The following METTL15 variants were observed in gnomAD, a reference collection of about 807,000 sequenced individuals.
The protein encoded by METTL15 is methyltransferase 15, mitochondrial 12S rRNA N4-cytidine.
Under a neutral mutation model 38.3 loss-of-function variants are expected in METTL15, and 34 were observed. The observed-to-expected ratio is 0.89, with a 90% confidence interval of 0.68 to 1.18. METTL15 has a LOEUF of 1.18. METTL15 is among the 50% of genes most tolerant of loss of function. The pLI, the probability that METTL15 is intolerant of heterozygous loss-of-function variation, is 0.00. For synonymous variants in METTL15, 162 were observed against 170.9 expected (o/e 0.95, Z 0.41); for missense variants, 438 against 498.4 (o/e 0.88, Z 1.15).
rs113937212 is a variant in METTL15 at position 28,169,718 on chromosome 11, A to C, written c.271-41344A>C. Among the ~76,000 whole-genome samples the C allele has an allele frequency of 6.5e-4, 99 of 152,266 alleles. 1 individual carries two copies. Among genetic ancestry groups the C allele is most frequent in the African/African-American group, 2.3e-3 (95 of 41,558 alleles). The stretch of plus-strand genomic sequence containing the variant: ...TATTTAGATAACTACGTTAATCATA[A>C]ATCTATGGCTATGTGAATAATATAA... On this transcript the variant is annotated intron_variant, in intron 3 of 6. Coordinates refer to ENST00000407364, the MANE Select transcript of METTL15 (RefSeq NM_001113528.2).
At chr11:28,377,473 G>T (rs1350437361) in intron 5 of METTL15, among the ~76,000 whole-genome samples, 2 of 151,978 alleles carry the variant, frequency 1.3e-5, no homozygotes, top group Admixed American at 6.6e-5. Context: ...CTTCTGTGTT[G>T]TTCACGTAGT....
At position 28,401,361 on chromosome 11, in the gene METTL15, T is replaced by C. The variant is rs893576153; in HGVS notation, c.*359-22938T>C. On this transcript the variant is annotated intron_variant and NMD_transcript_variant, in intron 5 of 7. Transcript: ENST00000532947. Reference sequence around the variant, plus strand: ...AAGAAGTAATCTCTTAATCTGTTTTTTAGTAATTATTACTCAGAATTTGTT... The same window carrying C: ...AAGAAGTAATCTCTTAATCTGTTTTCTAGTAATTATTACTCAGAATTTGTT... Among the ~76,000 whole-genome samples, 79 of 151,968 alleles carry C rather than the reference T, an allele frequency of 5.2e-4. 1 individual carries two copies. Among genetic ancestry groups the C allele is most frequent in the African/African-American group, 1.8e-3 (73 of 41,414 alleles).
chr11:28,341,137 A>G (rs980683829), intron 3 of METTL15, among the ~76,000 whole-genome samples: 3 of 152,116 alleles, frequency 2.0e-5, no homozygotes, highest in Non-Finnish European at 4.4e-5. Context: ...ACATGGACAC[A>G]GGGAGGGGAA....
At chr11:28,270,585 A>G (rs1342330757) in intron 4 of METTL15, among the ~76,000 whole-genome samples, 1 of 152,220 alleles carries the variant, frequency 6.6e-6, no homozygotes, top group Non-Finnish European at 1.5e-5. Flanking sequence ...ACCCGTAACA[A>G]TAGACAGATT....
intron 6 of METTL15, among the ~76,000 whole-genome samples, chr11:28,426,512 TG>T (rs1467931453): frequency 2.0e-5 from 3 of 152,008 alleles, no homozygotes; most frequent in Non-Finnish European, 4.4e-5. Flanking sequence ...TCTTCCACAA[TG>T]GTTGAACTAG....
At chr11:28,346,482 T>C (rs1849997193) in intron 3 of METTL15, among the ~76,000 whole-genome samples, 1 of 152,214 alleles carries the variant, frequency 6.6e-6, no homozygotes, top group Admixed American at 6.5e-5. Context: ...AGAAGGAAGA[T>C]ACTCCAAACC....
At chr11:28,220,144 T>C (rs1221935456) in intron 4 of METTL15, among the ~76,000 whole-genome samples, 1 of 152,204 alleles carries the variant, frequency 6.6e-6, no homozygotes, top group Non-Finnish European at 1.5e-5. Flanking sequence ...TTGATCTGTC[T>C]AATGTTGACA....
chr11:28,266,364 G>T (rs888527954), intron 4 of METTL15, among the ~76,000 whole-genome samples: 1 of 152,106 alleles, frequency 6.6e-6, no homozygotes, highest in East Asian at 1.9e-4. Flanking sequence ...ATACACCATG[G>T]AATACTATGC....
chr11:28,124,928 A>T (rs998240409), intron 3 of METTL15, among the ~76,000 whole-genome samples: 12 of 152,126 alleles, frequency 7.9e-5, no homozygotes, highest in African/African-American at 2.7e-4. Context: ...AATACATATG[A>T]AACCAACATT....
chr11:28,393,954 G>A (rs1053379646), intron 5 of METTL15, among the ~76,000 whole-genome samples: 2 of 142,448 alleles, frequency 1.4e-5, no homozygotes, highest in African/African-American at 5.2e-5. Flanking sequence ...CCATACTCCT[G>A]ATTTTTAAAA....
chr11:28,281,146 C>T (rs1399093186), intron 4 of METTL15, among the ~76,000 whole-genome samples: 1 of 152,144 alleles, frequency 6.6e-6, no homozygotes, highest in Non-Finnish European at 1.5e-5. Flanking sequence ...TTGCTTTTGG[C>T]AGGCAATTCA....
intron 3 of METTL15, among the ~76,000 whole-genome samples, chr11:28,113,940 A>G (rs1851832538): frequency 6.6e-6 from 1 of 152,186 alleles, no homozygotes; most frequent in Non-Finnish European, 1.5e-5. Context: ...AGACTAAGCT[A>G]TGATGTTCGG....
intron 5 of METTL15, among the ~76,000 whole-genome samples, chr11:28,414,152 G>A (rs1046144799): frequency 3.3e-5 from 5 of 152,058 alleles, no homozygotes; most frequent in African/African-American, 4.8e-5. Flanking sequence ...AACCACAGTT[G>A]TATGCTGGAA....
chr11:28,500,090 T>G (rs2133489587), intron 6 of METTL15, among the ~76,000 whole-genome samples: 1 of 152,106 alleles, frequency 6.6e-6, no homozygotes. Context: ...GATGAAGTCC[T>G]GATGCCTTAG....
chr11:28,203,145 C>T (rs1393298044), intron 3 of METTL15, among the ~76,000 whole-genome samples: 1 of 151,936 alleles, frequency 6.6e-6, no homozygotes, highest in African/African-American at 2.4e-5. Flanking sequence ...ACAGTATGTA[C>T]AATAAAGGAA....
chr11:28,467,203 C>T (rs758061301), intron 6 of METTL15, among the ~76,000 whole-genome samples: 14 of 152,166 alleles, frequency 9.2e-5, no homozygotes, highest in Non-Finnish European at 1.9e-4. Context: ...TAGACTTCTC[C>T]CTCTGGTCAT....
At chr11:28,266,441 C>G (rs1402745955) in intron 4 of METTL15, among the ~76,000 whole-genome samples, 1 of 152,156 alleles carries the variant, frequency 6.6e-6, no homozygotes, top group South Asian at 2.1e-4. Context: ...CCGTCATTCT[C>G]AGCAAACTAT....
At chr11:28,162,692 C>T (rs527816067) in intron 3 of METTL15, among the ~76,000 whole-genome samples, 1 of 152,008 alleles carries the variant, frequency 6.6e-6, no homozygotes, top group South Asian at 2.1e-4. Context: ...CTTCTATTAG[C>T]CTATAGTTGG....
intron 6 of METTL15, among the ~76,000 whole-genome samples, chr11:28,311,214 C>G (rs902760076): frequency 3.9e-5 from 6 of 151,976 alleles, no homozygotes; most frequent in African/African-American, 1.5e-4. Context: ...GTTATTTAAT[C>G]CTTTCTCTTT....
Sources: gnomAD v4.1 joint callset for allele counts (sites outside exome capture counted in the v4.1 genomes callset) on GRCh38, gnomAD v4.1.1 for gene constraint, MANE v1.5 for transcripts, NCBI Gene and HGNC (gene_info 2026-07-23, HGNC 2026-07-21) for gene names.